The following KAZN variants were observed in gnomAD, a reference collection of about 807,000 sequenced individuals.
KAZN encodes the protein kazrin, periplakin interacting protein.
KAZN carries 40 observed loss-of-function variants against 87.4 expected under a neutral mutation model. That is an observed-to-expected ratio of 0.46 (90% CI 0.36 to 0.60). KAZN has a LOEUF of 0.60. KAZN is among the 20% of genes least tolerant of loss of function. The probability of loss-of-function intolerance (pLI) is 0.00; values close to 1 mark genes in which losing one functional copy is unlikely to be tolerated. For synonymous variants in KAZN, 466 were observed against 458.3 expected, an observed-to-expected ratio of 1.02 and a Z score of -0.22; for missense variants, 898 against 1,073.9, an observed-to-expected ratio of 0.84 and a Z score of 2.29.
At chr1:14,832,689 G>C (rs1192694209) in intron 1 of KAZN, among the ~76,000 whole-genome samples, 1 of 152,180 alleles carries the variant, frequency 6.6e-6, no homozygotes, top group Non-Finnish European at 1.5e-5. Context: ...GCCATCCTGG[G>C]CTAATGCACA....
chr1:14,638,363 G>T (rs1680155412), intron 1 of KAZN, among the ~76,000 whole-genome samples: 1 of 152,096 alleles, frequency 6.6e-6, no homozygotes, highest in African/African-American at 2.4e-5. Context: ...GAGGTCAGAA[G>T]CTTGAGACCA....
At chr1:14,496,201 T>C (rs1669933752) in intron 2 of KAZN, among the ~76,000 whole-genome samples, 1 of 152,226 alleles carries the variant, frequency 6.6e-6, no homozygotes, top group African/African-American at 2.4e-5. Context: ...ACAATCGAAC[T>C]CTGCTGTAGT....
intron 1 of KAZN, among the ~76,000 whole-genome samples, chr1:14,003,200 T>A: frequency 6.6e-6 from 1 of 151,266 alleles, no homozygotes; most frequent in Non-Finnish European, 1.5e-5. Flanking sequence ...CCAGGGCCTG[T>A]TAGGGGGTCG....
At chr1:14,805,111 C>A (rs189326474) in intron 1 of KAZN, among the ~76,000 whole-genome samples, 2 of 152,076 alleles carry the variant, frequency 1.3e-5, no homozygotes, top group Admixed American at 6.5e-5. Context: ...GCGTACTAGT[C>A]GGGGTATAGG....
At chr1:14,236,806 C>T (rs1160052492) in intron 2 of KAZN, among the ~76,000 whole-genome samples, 1 of 152,048 alleles carries the variant, frequency 6.6e-6, no homozygotes, top group South Asian at 2.1e-4. Context: ...CACCTGTAGT[C>T]CCAGCTACAT....
At chr1:14,762,455 G>A (rs1334706321) in intron 1 of KAZN, among the ~76,000 whole-genome samples, 1 of 152,202 alleles carries the variant, frequency 6.6e-6, no homozygotes, top group African/African-American at 2.4e-5. Flanking sequence ...GCCGGGTGCG[G>A]TGGCTCACGC....
chr1:13,959,717 G>T (rs772406792), intron 1 of KAZN, among the ~76,000 whole-genome samples: 3 of 152,108 alleles, frequency 2.0e-5, no homozygotes, highest in Non-Finnish European at 4.4e-5. Flanking sequence ...GACCAGGTGA[G>T]ATGTCCACAT....
chr1:13,904,757 C>G (rs1233038441), intron 1 of KAZN, among the ~76,000 whole-genome samples: 1 of 152,056 alleles, frequency 6.6e-6, no homozygotes, highest in Non-Finnish European at 1.5e-5. Context: ...TTTATTTATC[C>G]TATCTGGGGT....
Position 14,749,721 on chromosome 1 carries a change from G to T in KAZN, c.226+150498G>T, listed in dbSNP as rs982800277. ...ACACAGGCACCAGGCCTCCCATTCA[G>T]ATTGAAAGCTAACAGACTTGCCCAG... On this transcript the variant is annotated intron_variant, in intron 1 of 14. Transcript: ENST00000376030. 3.4e-4 allele frequency among the ~76,000 whole-genome samples: 51 copies of T among 152,140 alleles called. 1 individual carries two copies. The highest frequency in any genetic ancestry group is 4.8e-5 in the African/African-American group (2 of 41,430).
chr1:14,221,542 G>A (rs7555642), intron 2 of KAZN, among the ~76,000 whole-genome samples: 11 of 152,076 alleles, frequency 7.2e-5, no homozygotes, highest in Admixed American at 5.9e-4. Flanking sequence ...GGAGCTTGAG[G>A]TGTGATTTCT....
At position 13,984,113 on chromosome 1, in the gene KAZN, C is replaced by T. The variant is rs1638892659; in HGVS notation, c.91+90357C>T. On this transcript the variant is annotated intron_variant, in intron 1 of 16. Transcript: ENST00000636203. ...ACAAGCTCTGCCTCCCAGATTCACG[C>T]AATTCTCCAGCCTCAGCCTCCCCAG... Among the ~76,000 whole-genome samples the T allele has an allele frequency of 3.3e-5, 5 of 152,212 alleles. No homozygotes were observed. In the South Asian group the frequency reaches 1.0e-3, roughly 32 times the overall value.
chr1:14,313,348 C>A (rs545225210), intron 2 of KAZN, among the ~76,000 whole-genome samples: 1 of 152,266 alleles, frequency 6.6e-6, no homozygotes, highest in South Asian at 2.1e-4. Context: ...CTGGAGCCTG[C>A]CTTCTTTATC....
At chr1:14,159,125 C>T (rs1248539433) in intron 1 of KAZN, among the ~76,000 whole-genome samples, 1 of 152,164 alleles carries the variant, frequency 6.6e-6, no homozygotes, top group Non-Finnish European at 1.5e-5. Context: ...CTTATGTTTG[C>T]TCAAGGCCCT....
At chr1:15,037,808 C>T (rs1672492282) in intron 3 of KAZN, among the ~76,000 whole-genome samples, 1 of 152,106 alleles carries the variant, frequency 6.6e-6, no homozygotes, top group South Asian at 2.1e-4. Flanking sequence ...GGTCTGGTTT[C>T]TGGGAATGGG....
chr1:14,545,898 T>A (rs1399267405), intron 2 of KAZN, among the ~76,000 whole-genome samples: 1 of 152,160 alleles, frequency 6.6e-6, no homozygotes. Context: ...AGTTGCCAGA[T>A]AGCCCCACTT....
intron 1 of KAZN, among the ~76,000 whole-genome samples, chr1:14,874,898 T>A (rs970025516): frequency 7.9e-5 from 12 of 152,194 alleles, no homozygotes; most frequent in Admixed American, 7.9e-4. Flanking sequence ...GTTTTGTATT[T>A]CCATTTGCCA....
intron 1 of KAZN, among the ~76,000 whole-genome samples, chr1:14,652,736 T>G (rs1638529537): frequency 7.4e-6 from 1 of 135,394 alleles, no homozygotes; most frequent in African/African-American, 2.7e-5. Context: ...CATCCGTTAA[T>G]CCATCCATCC....
In KAZN at chr1:14,758,103, T is replaced by A. The variant is rs182329606; in HGVS notation, c.226+158880T>A. 6.8e-5 allele frequency among the ~76,000 whole-genome samples: 9 copies of A among 132,636 alleles called. No individual in the cohort carries two copies. The East Asian group carries it at 1.8e-3, about 26-fold the overall frequency. The allele number at this position is 132,636 out of a possible 152,430, so 87.0% of individuals were successfully genotyped here. Reference sequence around the variant, plus strand: ...TTTGTTTGTTTGTTTGTTTGTTTGTTTCTTTGTTTTGTTTTGTTTTTTCTC... The same window carrying A: ...TTTGTTTGTTTGTTTGTTTGTTTGTATCTTTGTTTTGTTTTGTTTTTTCTC... On this transcript the variant is annotated intron_variant, in intron 1 of 14. Coordinates refer to ENST00000376030, the MANE Select transcript of KAZN (RefSeq NM_201628.3).
At position 14,966,055 on chromosome 1, in the gene KAZN, C is replaced by G. The variant is rs937811440; in HGVS notation, c.418+5180C>G. Among the ~76,000 whole-genome samples, 4 of 148,780 alleles carry G rather than the reference C, an allele frequency of 2.7e-5. No homozygotes were observed. The Admixed American group carries it at 2.7e-4, about 10-fold the overall frequency. On this transcript the variant is annotated intron_variant, in intron 2 of 14. Transcript: ENST00000376030. ...AGTGCAGGGGCGTGACCTCGGCTCA[C>G]TGCAACCTCCGCCTCCTGGGTTCAA...
Sources: allele counts gnomAD v4.1 joint callset (sites outside exome capture counted in the v4.1 genomes callset), GRCh38; gene constraint gnomAD v4.1.1; transcripts MANE v1.5; gene names NCBI Gene and HGNC (gene_info 2026-07-23, HGNC 2026-07-21).